Variants in PAK5 observed in about 807,000 individuals in gnomAD.
The protein encoded by PAK5 is p21 (RAC1) activated kinase 5.
Under a neutral mutation model 65.9 loss-of-function variants are expected in PAK5, and 16 were observed. That is an observed-to-expected ratio of 0.24 (90% CI 0.16 to 0.37). The LOEUF is 0.37. Ranked by LOEUF, PAK5 falls within the 10% of genes least tolerant of loss-of-function variation. PAK5 has a pLI of 1.00. For missense variants in PAK5, 785 were observed against 903.9 expected (o/e 0.87, Z 1.69); for synonymous variants, 371 against 354.9 (o/e 1.05, Z -0.51).
At chr20:9,760,040 A>C (rs929873038) in intron 1 of PAK5, among the ~76,000 whole-genome samples, 1 of 152,200 alleles carries the variant, frequency 6.6e-6, no homozygotes, top group African/African-American at 2.4e-5. Context: ...GAAAGTGTGT[A>C]AATATTTGTA....
intron 5 of PAK5, among the ~76,000 whole-genome samples, chr20:9,563,328 T>C (rs1047376689): frequency 3.3e-5 from 5 of 152,186 alleles, no homozygotes; most frequent in East Asian, 1.9e-4. Flanking sequence ...TTGACCATCT[T>C]TGGGGATATG....
chr20:9,715,805 C>A (rs1324808192), intron 1 of PAK5, among the ~76,000 whole-genome samples: 1 of 149,956 alleles, frequency 6.7e-6, no homozygotes, highest in Non-Finnish European at 1.5e-5. Context: ...GAGAAAAAAC[C>A]AAACACCATA....
rs570834804 is a variant in PAK5, at chr20:9,790,856, CTAGG to C, written c.-162+47902_-162+47905del. Reference sequence around the variant, plus strand: ...AAAAAGTGATGAAAGGGGAAAGGTACTAGGCATTTGTGGAGATATCTCACTCTGT... The same window carrying C: ...AAAAAGTGATGAAAGGGGAAAGGTACCATTTGTGGAGATATCTCACTCTGT... On this transcript the variant is annotated intron_variant, in intron 1 of 9. Coordinates refer to ENST00000353224, the MANE Select transcript of PAK5 (RefSeq NM_177990.4). Among the ~76,000 whole-genome samples the C allele has an allele frequency of 5.4e-4, 82 of 152,198 alleles. 2 individuals are homozygous for C. In the East Asian group the frequency reaches 0.014, roughly 27 times the overall value.
chr20:9,569,406 C>G (rs901622421), intron 4 of PAK5, among the ~76,000 whole-genome samples: 2 of 152,038 alleles, frequency 1.3e-5, no homozygotes, highest in African/African-American at 2.4e-5. Flanking sequence ...AGCCATGATA[C>G]TGAATGTGTA....
chr20:9,564,540 T>G (rs1300583468), intron 5 of PAK5, among the ~76,000 whole-genome samples: 1 of 152,196 alleles, frequency 6.6e-6, no homozygotes, highest in Non-Finnish European at 1.5e-5. Flanking sequence ...TGAACAGAGA[T>G]AACATGACAG....
At chr20:9,587,220 AG>A (rs1252952884) in intron 3 of PAK5, among the ~76,000 whole-genome samples, 8 of 152,184 alleles carry the variant, frequency 5.3e-5, no homozygotes, top group African/African-American at 1.9e-4. Context: ...AACAACACCT[AG>A]AAGAAATAAA....
intron 3 of PAK5, among the ~76,000 whole-genome samples, chr20:9,627,735 T>C (rs1686609334): frequency 6.6e-6 from 1 of 152,166 alleles, no homozygotes; most frequent in Non-Finnish European, 1.5e-5. Flanking sequence ...CAAGTGATTC[T>C]CCTGCCTCAG....
chr20:9,570,200 G>T (rs2045754255), intron 4 of PAK5, among the ~76,000 whole-genome samples: 1 of 152,062 alleles, frequency 6.6e-6, no homozygotes, highest in African/African-American at 2.4e-5. Flanking sequence ...GTTCTACTTG[G>T]TGTTATTATT....
In PAK5 at chr20:9,577,144, T is replaced by C. The variant is rs181287295; in HGVS notation, c.990+3001A>G. Among the ~76,000 whole-genome samples, 999 of 152,178 alleles carry C rather than the reference T, an allele frequency of 6.6e-3. 17 individuals carry two copies. The highest frequency in any genetic ancestry group is 0.023 in the African/African-American group (939 of 41,430). On this transcript the variant is annotated intron_variant, in intron 4 of 9. Transcript: ENST00000353224. Reference sequence around the variant, plus strand: ...ATTTTGTGGTGGGTATGGTGCTATATGGTTTTTGTTTGGCTTTGCTTCCCA... The same window carrying C: ...ATTTTGTGGTGGGTATGGTGCTATACGGTTTTTGTTTGGCTTTGCTTCCCA...
chr20:9,564,643 C>G (rs1317149468), intron 5 of PAK5, among the ~76,000 whole-genome samples: 1 of 152,000 alleles, frequency 6.6e-6, no homozygotes, highest in Non-Finnish European at 1.5e-5. Context: ...TATCATTTAT[C>G]TAAAAAAAGT....
chr20:9,634,350 G>T (rs1486221850), intron 3 of PAK5, among the ~76,000 whole-genome samples: 1 of 152,214 alleles, frequency 6.6e-6, no homozygotes, highest in Non-Finnish European at 1.5e-5. Flanking sequence ...GGTACCCACA[G>T]GGATAAATTC....
intron 7 of PAK5, among the ~76,000 whole-genome samples, chr20:9,553,482 A>G (rs975666205): frequency 6.6e-6 from 1 of 152,208 alleles, no homozygotes; most frequent in Non-Finnish European, 1.5e-5. Flanking sequence ...TGTTCTTTAC[A>G]GACACATTCC....
At chr20:9,689,447 C>A (rs1463934663) in intron 2 of PAK5, among the ~76,000 whole-genome samples, 1 of 152,204 alleles carries the variant, frequency 6.6e-6, no homozygotes, top group Non-Finnish European at 1.5e-5. Flanking sequence ...TCCTCCTTCA[C>A]CCCTCTTCTT....
chr20:9,699,498 T>C (rs969510364), intron 2 of PAK5, among the ~76,000 whole-genome samples: 1 of 149,720 alleles, frequency 6.7e-6, no homozygotes, highest in African/African-American at 2.4e-5. Context: ...CTTTTGAAAC[T>C]TGAAAAAAAA....
At chr20:9,738,311 C>T (rs574792281) in intron 1 of PAK5, among the ~76,000 whole-genome samples, 7 of 152,130 alleles carry the variant, frequency 4.6e-5, no homozygotes, top group Admixed American at 1.3e-4. Flanking sequence ...CATTTCATGC[C>T]TAGGTATTTA....
At chr20:9,787,709 CA>C (rs1225964374) in intron 1 of PAK5, among the ~76,000 whole-genome samples, 3 of 147,382 alleles carry the variant, frequency 2.0e-5, no homozygotes, top group East Asian at 4.0e-4. Flanking sequence ...ACTGGCTTTC[CA>C]AAAAAAAATT....
rs1373275160 is a variant in PAK5, at chr20:9,538,192, T to C, written c.*1270A>G. The C allele has an allele frequency of 8.6e-6, 2 of 233,400 alleles. No homozygotes were observed. Among genetic ancestry groups the C allele is most frequent in the African/African-American group, 4.4e-5 (2 of 45,348 alleles). 14.5% of individuals were successfully genotyped at this position (233,400 alleles called of 1,614,324 possible). On this transcript the variant is annotated 3_prime_UTR_variant, in exon 10 of 10. Coordinates refer to ENST00000353224, the MANE Select transcript of PAK5 (RefSeq NM_177990.4). ...TAGTAGTCATTCATTTTTATCAACA[T>C]TCAAGAAGATCTAGACAGCAGCACG...
intron 2 of PAK5, among the ~76,000 whole-genome samples, chr20:9,708,779 C>T (rs1324509343): frequency 6.6e-6 from 1 of 152,118 alleles, no homozygotes; most frequent in African/African-American, 2.4e-5. Context: ...TTAGTCGAGA[C>T]ATATGGGAGA....
chr20:9,575,053 C>T (rs150601617), intron 4 of PAK5, among the ~76,000 whole-genome samples: 1 of 152,282 alleles, frequency 6.6e-6, no homozygotes, highest in African/African-American at 2.4e-5. Flanking sequence ...ATTATTGATG[C>T]GGGAAGACTG....
Sources: gnomAD v4.1 joint callset for allele counts (sites outside exome capture counted in the v4.1 genomes callset) on GRCh38, gnomAD v4.1.1 for gene constraint, MANE v1.5 for transcripts, NCBI Gene and HGNC (gene_info 2026-07-23, HGNC 2026-07-21) for gene names.